INVS: variants seen among roughly 807,000 people sequenced by gnomAD.
INVS encodes inversin.
Under a neutral mutation model 108.8 loss-of-function variants are expected in INVS, and 86 were observed. The observed-to-expected ratio is 0.79, with a 90% CI of 0.66 to 0.95. INVS has a LOEUF of 0.95. Ranked by LOEUF, INVS falls within the 40% of genes least tolerant of loss-of-function variation. The pLI is 0.00. For synonymous variants in INVS, 455 were observed against 473.5 expected (o/e 0.96, Z 0.51); for missense variants, 1,169 against 1,297.4 (o/e 0.90, Z 1.52).
At chr9:100,277,843 T>C (rs1833155708) in intron 12 of INVS, among the ~76,000 whole-genome samples, 1 of 152,154 alleles carries the variant, frequency 6.6e-6, no homozygotes, top group Admixed American at 6.5e-5. Context: ...ACTGAAAAGG[T>C]TAGAGCTAAA....
chr9:100,278,342 A>G (rs1375081111), intron 12 of INVS, among the ~76,000 whole-genome samples: 1 of 149,726 alleles, frequency 6.7e-6, no homozygotes, highest in Non-Finnish European at 1.5e-5. Context: ...CTCTCAGTTT[A>G]TTCCTCTCTC....
intron 3 of INVS, among the ~76,000 whole-genome samples, chr9:100,202,077 G>A (rs1458030501): frequency 6.8e-6 from 1 of 147,774 alleles, no homozygotes; most frequent in African/African-American, 2.5e-5. Flanking sequence ...GTGTTGAAAA[G>A]CAGTTATTAC....
chr9:100,278,508 A>T (rs1243726150), intron 12 of INVS, among the ~76,000 whole-genome samples: 1 of 152,156 alleles, frequency 6.6e-6, no homozygotes, highest in African/African-American at 2.4e-5. Flanking sequence ...CTCGATTGTC[A>T]GTTTCTTGAG....
At chr9:100,264,741 A>C in intron 10 of INVS, 81 bp from the exon 11 acceptor site, 1 of 946,876 alleles carries the variant, frequency 1.1e-6, no homozygotes. Flanking sequence ...GATTGCTTAT[A>C]TTAATTTTGA....
At chr9:100,148,322 A>G (rs901864311) in intron 3 of INVS, among the ~76,000 whole-genome samples, 2 of 152,228 alleles carry the variant, frequency 1.3e-5, no homozygotes, top group Non-Finnish European at 2.9e-5. Flanking sequence ...AGCTTTTATT[A>G]TGTACCTCTT....
At chr9:100,103,182 C>T (rs886285242) in intron 1 of INVS, among the ~76,000 whole-genome samples, 4 of 151,664 alleles carry the variant, frequency 2.6e-5, no homozygotes, top group Admixed American at 2.0e-4. Context: ...TTTTCTGAGT[C>T]AGGGTCTCAA....
At chr9:100,176,734 C>T (rs1205492956) in intron 3 of INVS, among the ~76,000 whole-genome samples, 1 of 152,100 alleles carries the variant, frequency 6.6e-6, no homozygotes, top group Non-Finnish European at 1.5e-5. Flanking sequence ...CCTCAGCCTC[C>T]CAAAGTGCTA....
chr9:100,156,784 C>A (rs576217854), intron 3 of INVS, among the ~76,000 whole-genome samples: 1 of 151,496 alleles, frequency 6.6e-6, no homozygotes, highest in Admixed American at 6.6e-5. Flanking sequence ...CTAATATATG[C>A]TCTTGTGCTT....
At chr9:100,229,922 C>A in intron 5 of INVS, 95 bp downstream of exon 5, 6 of 1,190,602 alleles carry the variant, frequency 5.0e-6, no homozygotes, top group Non-Finnish European at 7.3e-6. Flanking sequence ...GACGTACAAG[C>A]AAATTATTAA....
intron 3 of INVS, among the ~76,000 whole-genome samples, chr9:100,137,843 TG>T (rs1828276576): frequency 6.6e-6 from 1 of 152,210 alleles, no homozygotes; most frequent in African/African-American, 2.4e-5. Context: ...ATTAAGAAAA[TG>T]GCATTTCATT....
intron 5 of INVS, among the ~76,000 whole-genome samples, chr9:100,232,587 C>G (rs1056228330): frequency 1.3e-5 from 2 of 152,170 alleles, no homozygotes; most frequent in African/African-American, 2.4e-5. Context: ...GCCAGTTTTC[C>G]AAACAACATT....
chr9:100,198,495 T>C (rs1830448708), intron 3 of INVS, among the ~76,000 whole-genome samples: 1 of 151,516 alleles, frequency 6.6e-6, no homozygotes, highest in African/African-American at 2.4e-5. Flanking sequence ...TTCTCCATGT[T>C]GGTCAGGCTG....
At chr9:100,242,437 G>A (rs949742314) in intron 6 of INVS, 133 bp from the exon 7 acceptor site, 3 of 634,128 alleles carry the variant, frequency 4.7e-6, no homozygotes, top group Admixed American at 4.6e-5. Flanking sequence ...GGCTGCATTG[G>A]GGGCTGCTGT....
intron 3 of INVS, among the ~76,000 whole-genome samples, chr9:100,184,887 A>G (rs1003612070): frequency 5.9e-5 from 9 of 152,216 alleles, no homozygotes; most frequent in African/African-American, 2.2e-4. Context: ...CAAATGGAAA[A>G]TGACAGGAGT....
intron 3 of INVS, among the ~76,000 whole-genome samples, chr9:100,198,264 A>ATTTTTTTTTTTTTTTTTTTTTTTTTTTTT (rs66710233): frequency 1.5e-5 from 1 of 65,214 alleles, no homozygotes; most frequent in Non-Finnish European, 2.8e-5. Flanking sequence ...GAGGGCTAGA[A>ATTTTTTTTTTTTTTTTTTTTTTTTTTTTT]TTTTTTTTTT....
At position 100,264,885 on chromosome 9, in the gene INVS, G is replaced by C. The variant is rs1489445406; in HGVS notation, c.1528G>C (p.Asp510His). The C allele has an allele frequency of 1.9e-6, 3 of 1,613,364 alleles. No individual in the cohort carries two copies. The highest frequency in any genetic ancestry group is 1.7e-5 in the Admixed American group (1 of 59,966). ...CCTTGATGCCATTAAATTACTGCTA[G>C]ACTTTGCTGCTTTCCCTAATCAGAT... The part of the protein sequence containing the change: ...GYLDAIKLLL[D>H]FAAFPNQMEN... Residue 510 changes from aspartate (D) to histidine (H), a missense_variant, in exon 11 of 17, where the codon GAC becomes CAC. By Grantham distance (81) the Asp-to-His change is moderately conservative. Around this residue, in one of 3 missense-constraint regions of INVS, gnomAD observed 271 missense variants for 363.8 expected, o/e 0.74. Transcript: ENST00000262457.
intron 3 of INVS, among the ~76,000 whole-genome samples, chr9:100,190,116 A>G (rs1830177744): frequency 1.3e-5 from 2 of 152,110 alleles, no homozygotes; most frequent in African/African-American, 2.4e-5. Context: ...TGATCCTTTT[A>G]TCACTATATA....
chr9:100,140,271 T>G (rs1026854004), intron 3 of INVS, among the ~76,000 whole-genome samples: 1 of 152,162 alleles, frequency 6.6e-6, no homozygotes, highest in East Asian at 1.9e-4. Context: ...GGGCTGAGTC[T>G]GAAAAGAGTC....
At chr9:100,243,532 C>A (rs994599045) in intron 7 of INVS, among the ~76,000 whole-genome samples, 1 of 152,144 alleles carries the variant, frequency 6.6e-6, no homozygotes, top group Admixed American at 6.5e-5. Flanking sequence ...TTCTTCCCCT[C>A]TACTTTCTCA....
Sources: allele counts gnomAD v4.1 joint callset (sites outside exome capture counted in the v4.1 genomes callset), GRCh38; gene constraint gnomAD v4.1.1; regional missense constraint gnomAD v4.1.1; transcripts MANE v1.5; gene names NCBI Gene and HGNC (gene_info 2026-07-23, HGNC 2026-07-21).